The following SFMBT2 variants were observed in gnomAD, a reference collection of about 807,000 sequenced individuals.
SFMBT2 encodes the protein scm-like with four MBT domains protein 2.
In SFMBT2, 38 loss-of-function variants were observed where a neutral mutation model predicts 110.1. That is an observed-to-expected ratio of 0.35 (90% CI 0.27 to 0.45). SFMBT2 has a LOEUF of 0.45. Ranked by LOEUF, SFMBT2 falls within the 20% of genes least tolerant of loss-of-function variation. SFMBT2 has a pLI of 1.00. For missense variants in SFMBT2, 1,011 were observed against 1,094.9 expected (o/e 0.92, Z 1.08); for synonymous variants, 425 against 425.4 (o/e 1.00, Z 0.01).
chr10:7,216,272 A>G (rs145022601), intron 11 of SFMBT2, among the ~76,000 whole-genome samples: 1 of 152,166 alleles, frequency 6.6e-6, no homozygotes, highest in East Asian at 1.9e-4. Context: ...TAGCTCCCCA[A>G]ATTCCCATGT....
intron 2 of SFMBT2, among the ~76,000 whole-genome samples, chr10:7,375,886 C>T (rs1845193019): frequency 6.6e-6 from 1 of 151,998 alleles, no homozygotes; most frequent in South Asian, 2.1e-4. Flanking sequence ...AGGACCAGTT[C>T]CCAGCGTGAA....
rs1839062353 is a variant in SFMBT2, at chr10:7,204,483, T to C, written c.1444+1332A>G. On this transcript the variant is annotated intron_variant, in intron 12 of 20. Transcript: ENST00000397167. The stretch of plus-strand genomic sequence containing the variant: ...AAGGACTCATCATTTTAAATAACAC[T>C]TCTGATATGCATTAGGGTAGAATAA... 4 of 980,090 alleles carry C rather than the reference T, an allele frequency of 4.1e-6. 1 individual carries two copies. The highest frequency in any genetic ancestry group is 9.5e-5 in the South Asian group (2 of 20,952). 60.7% of individuals were successfully genotyped at this position (980,090 alleles called of 1,614,324 possible).
chr10:7,240,096 AG>A (rs1425901044), intron 9 of SFMBT2, among the ~76,000 whole-genome samples: 1 of 152,224 alleles, frequency 6.6e-6, no homozygotes, highest in Non-Finnish European at 1.5e-5. Context: ...AAAGAAAAAA[AG>A]ATAAAAATGG....
chr10:7,206,832 C>G (rs774895858), intron 11 of SFMBT2: 38 of 974,794 alleles, frequency 3.9e-5, no homozygotes, highest in Non-Finnish European at 4.6e-5. Flanking sequence ...CACTTTGAAC[C>G]AGGAATCAAG....
chr10:7,369,878 G>C (rs923066584), intron 3 of SFMBT2, among the ~76,000 whole-genome samples: 1 of 151,936 alleles, frequency 6.6e-6, no homozygotes, highest in Non-Finnish European at 1.5e-5. Flanking sequence ...CTTTTTGTTT[G>C]AGACAGGGTT....
chr10:7,269,707 AGTGTGTGC>A (rs578065505), intron 7 of SFMBT2, among the ~76,000 whole-genome samples: 67 of 146,434 alleles, frequency 4.6e-4, no homozygotes, highest in African/African-American at 1.5e-3. Context: ...AAAGCAAGTA[AGTGTGTGC>A]GTGTGTGTGT....
intron 1 of SFMBT2, among the ~76,000 whole-genome samples, chr10:7,388,623 G>A (rs774590523): frequency 1.5e-4 from 22 of 145,086 alleles, no homozygotes; most frequent in Admixed American, 2.2e-4. Flanking sequence ...TGATCTGTCC[G>A]CCTCTGGCTC....
At chr10:7,227,808 A>C (rs774590295) in intron 10 of SFMBT2, 47 bp downstream of exon 10, 1 of 1,539,032 alleles carries the variant, frequency 6.5e-7, no homozygotes, top group Non-Finnish European at 8.9e-7. Context: ...CTTACGGTAG[A>C]CAAAATCTAT....
intron 1 of SFMBT2, among the ~76,000 whole-genome samples, chr10:7,399,032 A>G (rs1373199572): frequency 6.6e-6 from 1 of 152,234 alleles, no homozygotes; most frequent in Non-Finnish European, 1.5e-5. Context: ...GAGGTGCCAC[A>G]ATGTCCAAAA....
chr10:7,195,205 G>A (rs183525169), intron 15 of SFMBT2, among the ~76,000 whole-genome samples: 53 of 152,320 alleles, frequency 3.5e-4, no homozygotes, highest in African/African-American at 1.3e-3. Context: ...ATTTCCGATG[G>A]TGGCAGAAAT....
rs142581572 is a variant in SFMBT2 at position 7,214,340 on chromosome 10, T to C, written c.1330+6071A>G. On this transcript the variant is annotated intron_variant, in intron 11 of 20. Transcript: ENST00000397167. ...TGTGGGTTGCTGTGTTGCGTTCCTG[T>C]CTTGGATGCTGGGTACAAATGAAGC... Among the ~76,000 whole-genome samples, 1,055 of 152,256 alleles carry C rather than the reference T, an allele frequency of 6.9e-3. 16 individuals are homozygous for C. Among genetic ancestry groups the C allele is most frequent in the African/African-American group, 0.024 (991 of 41,550 alleles).
intron 20 of SFMBT2, among the ~76,000 whole-genome samples, chr10:7,167,305 T>C (rs1193329518): frequency 1.3e-5 from 2 of 152,238 alleles, no homozygotes; most frequent in Non-Finnish European, 2.9e-5. Flanking sequence ...TGCTTAGTTA[T>C]AGATGAGTGG....
chr10:7,359,596 C>T (rs1432948186), intron 4 of SFMBT2, among the ~76,000 whole-genome samples: 4 of 152,202 alleles, frequency 2.6e-5, no homozygotes, highest in Admixed American at 6.5e-5. Flanking sequence ...CTAGTCACTG[C>T]TTCATGCTTA....
At chr10:7,328,672 G>C (rs561062992) in intron 4 of SFMBT2, among the ~76,000 whole-genome samples, 1 of 152,306 alleles carries the variant, frequency 6.6e-6, no homozygotes, top group Admixed American at 6.5e-5. Flanking sequence ...CCCACTGTAG[G>C]AGTCTACATA....
chr10:7,329,259 C>A (rs549224499), intron 4 of SFMBT2, among the ~76,000 whole-genome samples: 3 of 152,256 alleles, frequency 2.0e-5, no homozygotes, highest in East Asian at 3.9e-4. Context: ...ACAATGATGT[C>A]AATGACGCCT....
At chr10:7,381,992 T>C (rs2132082781) in intron 1 of SFMBT2, 43 bp from the exon 2 acceptor site, 1 of 1,125,710 alleles carries the variant, frequency 8.9e-7, no homozygotes, top group Non-Finnish European at 1.2e-6. Context: ...AGTTTAATCA[T>C]ATTGATTATA....
intron 11 of SFMBT2, among the ~76,000 whole-genome samples, chr10:7,214,387 C>A (rs1468002872): frequency 6.6e-6 from 1 of 152,204 alleles, no homozygotes; most frequent in Non-Finnish European, 1.5e-5. Flanking sequence ...GAAAGGCCAG[C>A]ATAACAGCAT....
intron 7 of SFMBT2, among the ~76,000 whole-genome samples, chr10:7,268,615 A>C (rs1841470647): frequency 6.6e-6 from 1 of 151,774 alleles, no homozygotes; most frequent in Non-Finnish European, 1.5e-5. Context: ...GGTTCAAGTG[A>C]TTCTTCTGCC....
At chr10:7,373,664 C>A (rs1373755495) in intron 2 of SFMBT2, among the ~76,000 whole-genome samples, 1 of 152,156 alleles carries the variant, frequency 6.6e-6, no homozygotes. Flanking sequence ...CCTGCAGAAT[C>A]CTAGAGAGGT....
Sources: gnomAD v4.1 joint callset for allele counts (sites outside exome capture counted in the v4.1 genomes callset) on GRCh38, gnomAD v4.1.1 for gene constraint, MANE v1.5 for transcripts, NCBI Gene and HGNC (gene_info 2026-07-23, HGNC 2026-07-21) for gene names.